Variants in ARMC5 observed in about 807,000 individuals in gnomAD.
ARMC5 encodes armadillo repeat containing 5.
A neutral mutation model predicts 60.5 loss-of-function variants in ARMC5; 28 were observed. That is an observed-to-expected ratio of 0.46 (90% CI 0.34 to 0.63). The LOEUF (loss-of-function observed/expected upper bound fraction) is 0.63. ARMC5 is among the 30% of genes least tolerant of loss of function. The pLI, the probability that ARMC5 is intolerant of heterozygous loss-of-function variation, is 0.01. For missense variants in ARMC5, 1,189 were observed against 1,304.9 expected, an observed-to-expected ratio of 0.91 and a Z score of 1.37; for synonymous variants, 680 against 607.3, an observed-to-expected ratio of 1.12 and a Z score of -1.76.
At chr16:31,459,347 C>T (rs1385260851), upstream of ARMC5, 3 of 1,535,812 alleles carry the variant, frequency 2.0e-6, no homozygotes, top group Admixed American at 3.9e-5. Flanking sequence ...TAAGGTACTG[C>T]CGCGCCTCGT....
At chr16:31,458,753 C>T, upstream of ARMC5, 3 of 1,484,264 alleles carry the variant, frequency 2.0e-6, no homozygotes, top group Non-Finnish European at 2.7e-6. Flanking sequence ...CCCCGGGACG[C>T]GAATGTCCCG....
chr16:31,462,325 C>G lies in ARMC5; in HGVS notation c.778C>G (p.Arg260Gly). 1.2e-6 allele frequency: 2 copies of G among 1,610,804 alleles called. No homozygotes were observed. The highest frequency in any genetic ancestry group is 1.7e-6 in the Non-Finnish European group (2 of 1,179,650). The change falls in exon 3 of 6, where the codon CGT becomes GGT. Residue 260 changes from arginine to glycine, a missense_variant. Physicochemically the swap from Arg to Gly is moderately radical, Grantham distance 125. Coordinates refer to ENST00000268314, the MANE Select transcript of ARMC5 (RefSeq NM_001105247.2). This position sits in a 1 kb window ranked among gnomAD's most constrained non-coding sequence, Gnocchi z 7.2. ...TGCTGCACTGACCTTAGCCCTCGTC[C>G]GTGCCCTCCTGGAACTCAGCCGAGG... ...PDAALTLALVRALLELSRGCS... is the reference protein window; with the variant it reads ...PDAALTLALVGALLELSRGCS...
Position 31,459,798 on chromosome 16 carries a change from G to T in ARMC5, c.274G>T (p.Ala92Ser), listed in dbSNP as rs1356888830. Residue 92 changes from alanine (A) to serine (S), a missense_variant, in exon 1 of 6, where the codon GCC becomes TCC. Physicochemically the swap from Ala to Ser is moderately conservative, Grantham distance 99. This residue lies in a region of ARMC5 where 327 missense variants were observed against 233.7 expected (regional missense o/e 1.40). Coordinates refer to ENST00000268314, the MANE Select transcript of ARMC5 (RefSeq NM_001105247.2). ...CCCGTCCCAGGCAGGCCCCGGCTCC[G>T]CCCCCTCGTCGGCCGCGTCGGGAGC... Reference protein sequence around the residue: ...SAPSQAGPGSAPSSAASGASS... With the variant: ...SAPSQAGPGSSPSSAASGASS... 11 of 1,538,818 alleles carry T rather than the reference G, an allele frequency of 7.1e-6. No homozygotes were observed. In the South Asian group the frequency reaches 1.1e-4, roughly 15 times the overall value.
Position 31,465,585 on chromosome 16 carries a change from C to T in ARMC5, c.1865-265C>T, listed in dbSNP as rs554372167. On this transcript the variant is annotated intron_variant, in intron 4 of 5. Transcript: ENST00000268314. ...TATATTGTATTATACTGGAACAGCT[C>T]GTGTCCTCCGTCTCTTGCCTCGGCG... 2.0e-5 allele frequency: 27 copies of T among 1,321,520 alleles called. No individual in the cohort carries two copies. In the East Asian group the frequency reaches 5.2e-4, roughly 25 times the overall value. 81.9% of individuals were successfully genotyped at this position (1,321,520 alleles called of 1,614,324 possible).
At position 31,459,818 on chromosome 16, in the gene ARMC5, GGGAGCTTCTAGCCCCGCCCCCGCGTC is replaced by G; in HGVS notation, c.297_322del (p.Ala100ProfsTer10). On this transcript the variant is annotated frameshift_variant, in exon 1 of 6. Transcript: ENST00000268314. LOFTEE classifies it high-confidence loss of function. ...GCTCCGCCCCCTCGTCGGCCGCGTC[GGGAGCTTCTAGCCCCGCCCCCGCGTC>G]GGGCCCCGCCCCCTCCGCTGTGTCG... The G allele has an allele frequency of 6.5e-7, 1 of 1,548,860 alleles. No homozygotes were observed. Among genetic ancestry groups the G allele is most frequent in the East Asian group, 2.4e-5 (1 of 41,394 alleles).
Position 31,466,098 on chromosome 16 carries a change from CGG to C in ARMC5, c.2018_2019del (p.Arg673ProfsTer64). On this transcript the variant is annotated frameshift_variant, in exon 6 of 6. Transcript: ENST00000268314. LOFTEE classifies it high-confidence loss of function. The surrounding 1 kb of genome is among the most constrained non-coding windows in gnomAD (Gnocchi z 8.0). ...FICRKPSLWR[R>X]LLLEQGGLRL... Reference sequence around the variant, plus strand: ...CTGTAGGAAGCCCTCTCTGTGGCGCCGGCTGCTTCTGGAGCAGGGTGGTCTCC... The same window carrying C: ...CTGTAGGAAGCCCTCTCTGTGGCGCCCTGCTTCTGGAGCAGGGTGGTCTCC... 1 of 1,600,528 alleles carries C rather than the reference CGG, an allele frequency of 6.2e-7. No individual in the cohort carries two copies. Among genetic ancestry groups the C allele is most frequent in the Non-Finnish European group, 8.5e-7 (1 of 1,179,108 alleles).
In ARMC5 at chr16:31,464,292, T is replaced by TAAAA. The variant is rs537788230; in HGVS notation, c.1371-81_1371-78dup. 4.2e-5 allele frequency: 21 copies of TAAAA among 499,376 alleles called. No homozygotes were observed. Among genetic ancestry groups the TAAAA allele is most frequent in the Admixed American group, 1.0e-4 (2 of 19,784 alleles). 30.9% of individuals were successfully genotyped at this position (499,376 alleles called of 1,614,324 possible). On this transcript the variant is annotated intron_variant, in intron 3 of 5. Transcript: ENST00000268314. The surrounding 1 kb of genome is among the most constrained non-coding windows in gnomAD (Gnocchi z 7.6). The stretch of plus-strand genomic sequence containing the variant: ...GCTATAGAGGGATACCACATTTCTT[T>TAAAA]AAAAAAAAAAAAAAAAAAAAAAAAG...
At chr16:31,459,009 C>A, upstream of ARMC5, 1 of 1,532,860 alleles carries the variant, frequency 6.5e-7, no homozygotes, top group Non-Finnish European at 8.7e-7. Flanking sequence ...TCTGACCGAG[C>A]GAGGGCTCCC....
At chr16:31,459,309 G>A, upstream of ARMC5, 3 of 1,534,848 alleles carry the variant, frequency 2.0e-6, no homozygotes, top group Admixed American at 2.0e-5. Context: ...CTCATGCACC[G>A]CCCGCACGTC....
chr16:31,466,230 A>G lies in ARMC5; in HGVS notation c.2149A>G (p.Ser717Gly). 2 of 1,613,520 alleles carry G rather than the reference A, an allele frequency of 1.2e-6. No individual in the cohort carries two copies. The highest frequency in any genetic ancestry group is 1.7e-6 in the Non-Finnish European group (2 of 1,179,824). ...CCAAGACCTGGTGTCTCCCACTGTGAGCCCAGCTGTCCCACAGGCAGTCCC... is the reference window on the plus strand; with the variant it reads ...CCAAGACCTGGTGTCTCCCACTGTGGGCCCAGCTGTCCCACAGGCAGTCCC... ...CLQDLVSPTV[S>G]PAVPQAVPMD... The change falls in exon 6 of 6, where the codon AGC becomes GGC. Residue 717 changes from serine to glycine, a missense_variant. Coordinates refer to ENST00000268314, the MANE Select transcript of ARMC5 (RefSeq NM_001105247.2). This position sits in a 1 kb window ranked among gnomAD's most constrained non-coding sequence, Gnocchi z 8.0.
chr16:31,466,317 C>T lies in ARMC5; in HGVS notation c.2236C>T (p.Pro746Ser). The T allele has an allele frequency of 1.2e-6, 2 of 1,613,822 alleles. No homozygotes were observed. The highest frequency in any genetic ancestry group is 2.2e-5 in the East Asian group (1 of 44,884). ...YEPLLGPAPVPAPDLHFLLDS... is the reference protein window; with the variant it reads ...YEPLLGPAPVSAPDLHFLLDS... ...ACCTCTGCTGGGCCCAGCCCCTGTC[C>T]CAGCTCCCGACCTGCACTTCCTGCT... Residue 746 changes from proline to serine, a missense_variant, in exon 6 of 6, where the codon CCA (proline) becomes TCA (serine). Pro to Ser is a moderately conservative substitution (Grantham distance 74, BLOSUM62 -1). Transcript: ENST00000268314. The surrounding 1 kb of genome is among the most constrained non-coding windows in gnomAD (Gnocchi z 8.0).
chr16:31,466,903 C>A lies in ARMC5; in HGVS notation c.*14C>A. On this transcript the variant is annotated 3_prime_UTR_variant, in exon 6 of 6. Transcript: ENST00000268314. This position sits in a 1 kb window ranked among gnomAD's most constrained non-coding sequence, Gnocchi z 8.0. The stretch of plus-strand genomic sequence containing the variant: ...GTCCCTGCCTAGACTGTTGACGTCC[C>A]CTGGGAAGGGGACCCAAGGATGAAT... 2 of 1,507,782 alleles carry A rather than the reference C, an allele frequency of 1.3e-6. No homozygotes were observed. Among genetic ancestry groups the A allele is most frequent in the East Asian group, 2.3e-5 (1 of 43,030 alleles). 93.4% of individuals were successfully genotyped at this position (1,507,782 alleles called of 1,614,324 possible).
At position 31,462,942 on chromosome 16, in the gene ARMC5, G is replaced by C; in HGVS notation, c.1370+25G>C. On this transcript the variant is annotated intron_variant, in intron 3 of 5. Coordinates refer to ENST00000268314, the MANE Select transcript of ARMC5 (RefSeq NM_001105247.2). The surrounding 1 kb of genome is among the most constrained non-coding windows in gnomAD (Gnocchi z 7.2). ...GGTGAGTCCCTGCCTCAGGGCTTGG[G>C]AGGGTGAGCAGTGCAGTGATGTGGG... is the stretch of plus-strand genomic sequence containing the variant. 2 of 1,531,888 alleles carry C rather than the reference G, an allele frequency of 1.3e-6. No homozygotes were observed. The highest frequency in any genetic ancestry group is 1.8e-6 in the Non-Finnish European group (2 of 1,139,590). The allele number at this position is 1,531,888 out of a possible 1,614,324, so 94.9% of individuals were successfully genotyped here.
upstream of ARMC5, chr16:31,458,638 C>G: frequency 6.9e-7 from 1 of 1,445,680 alleles, no homozygotes; most frequent in African/African-American, 1.4e-5. Flanking sequence ...TCTTCCTCCC[C>G]AGGGCTAGAG....
intron 1 of ARMC5, among the ~76,000 whole-genome samples, chr16:31,461,170 G>A (rs1596601541): frequency 6.6e-6 from 1 of 152,138 alleles, no homozygotes; most frequent in East Asian, 1.9e-4. Flanking sequence ...CAGTAGCTGG[G>A]TTGGTTCAAG....
At chr16:31,458,509 T>C (rs2082266475), upstream of ARMC5, 1 of 1,535,306 alleles carries the variant, frequency 6.5e-7, no homozygotes. Context: ...ACGGTAAGGC[T>C]TGTCACCAGA....
Position 31,462,244 on chromosome 16 carries a change from T to C in ARMC5, c.697T>C (p.Leu233=), listed in dbSNP as rs1310962184. 1.1e-5 allele frequency: 18 copies of C among 1,610,114 alleles called. No individual in the cohort carries two copies. Among genetic ancestry groups the C allele is most frequent in the Non-Finnish European group, 1.5e-5 (18 of 1,180,006 alleles). Residue 233 remains leucine, a synonymous_variant, in exon 3 of 6, where the codon TTG becomes CTG. Coordinates refer to ENST00000268314, the MANE Select transcript of ARMC5 (RefSeq NM_001105247.2). This position sits in a 1 kb window ranked among gnomAD's most constrained non-coding sequence, Gnocchi z 7.2. ...LADSPQHRLA[L]AQQGAVRPLA... is the part of the protein sequence containing the mutation. ...AGACTCACCCCAGCACCGCCTGGCC[T>C]TGGCACAGCAGGGAGCAGTGCGTCC...
chr16:31,465,070 C>T (rs1239313088), intron 4 of ARMC5, 183 bp downstream of exon 4: 1 of 1,613,992 alleles, frequency 6.2e-7, no homozygotes, highest in South Asian at 1.1e-5. Context: ...GGCCCACAGG[C>T]AGAGTTCTGC....
chr16:31,459,775 C>A lies in ARMC5; in HGVS notation c.251C>A (p.Pro84Gln), dbSNP rs2082284795. 1 of 1,538,592 alleles carries A rather than the reference C, an allele frequency of 6.5e-7. No individual in the cohort carries two copies. Among genetic ancestry groups the A allele is most frequent in the East Asian group, 2.5e-5 (1 of 40,500 alleles). Residue 84 changes from proline to glutamine, a missense_variant, in exon 1 of 6, where the codon CCG (proline) becomes CAG (glutamine). Coordinates refer to ENST00000268314, the MANE Select transcript of ARMC5 (RefSeq NM_001105247.2). ...CGAGCGGCTGCAGCGGGTTCCGCCCCGTCCCAGGCAGGCCCCGGCTCCGCC... is the reference window on the plus strand; with the variant it reads ...CGAGCGGCTGCAGCGGGTTCCGCCCAGTCCCAGGCAGGCCCCGGCTCCGCC... ...LRRAAAAGSA[P>Q]SQAGPGSAPS...
Sources: gnomAD v4.1 joint callset for allele counts (sites outside exome capture counted in the v4.1 genomes callset) on GRCh38, gnomAD v4.1.1 for gene constraint, gnomAD v4.1.1 regional missense constraint, Gnocchi (gnomAD v3.1) non-coding constraint, MANE v1.5 for transcripts, NCBI Gene and HGNC (gene_info 2026-07-23, HGNC 2026-07-21) for gene names.